The following C6orf118 variants were observed in gnomAD, a reference collection of about 807,000 sequenced individuals.
The protein encoded by C6orf118 is chromosome 6 open reading frame 118.
Under a neutral mutation model 50.2 loss-of-function variants are expected in C6orf118, and 50 were observed. The ratio of observed to expected loss-of-function variants is 1.00; its 90% CI spans 0.79 to 1.26. The LOEUF (loss-of-function observed/expected upper bound fraction) is 1.26, where lower values mean the gene tolerates loss of function less well. Among genes scored for constraint, C6orf118 ranks in the 50% most tolerant of loss-of-function variants. The pLI is 0.00. For synonymous variants in C6orf118, 239 were observed against 230.9 expected, an observed-to-expected ratio of 1.03 and a Z score of -0.32; for missense variants, 641 against 578.7, an observed-to-expected ratio of 1.11 and a Z score of -1.10.
chr6:165,307,218 C>CA (rs939300428), intron 1 of C6orf118, among the ~76,000 whole-genome samples: 1 of 144,910 alleles, frequency 6.9e-6, no homozygotes, highest in Non-Finnish European at 1.5e-5. Flanking sequence ...CCACCCCCCC[C>CA]ACCCCACCAA....
In C6orf118 at chr6:165,302,152, T is replaced by C; in HGVS notation, c.170A>G (p.Tyr57Cys). The C allele has an allele frequency of 1.2e-6, 2 of 1,614,012 alleles. No homozygotes were observed. The highest frequency in any genetic ancestry group is 1.1e-5 in the South Asian group (1 of 91,064). Residue 57 changes from tyrosine (Y) to cysteine (C), a missense_variant, in exon 2 of 9, where the codon TAC becomes TGC. By Grantham distance (194) the Tyr-to-Cys change is radical (BLOSUM62 -2). Coordinates refer to ENST00000230301, the MANE Select transcript of C6orf118 (RefSeq NM_144980.4). ...GTTCAGGTGTCCAGAGATGTAGAGGTAGACGTCCTCCCGGTGGTCTTTCTG... is the reference window on the plus strand; with the variant it reads ...GTTCAGGTGTCCAGAGATGTAGAGGCAGACGTCCTCCCGGTGGTCTTTCTG... ...RLQKDHREDV[Y>C]LYISGHLNPN...
chr6:165,285,719 T>C (rs1779881357), intron 7 of C6orf118, among the ~76,000 whole-genome samples: 1 of 152,004 alleles, frequency 6.6e-6, no homozygotes, highest in African/African-American at 2.4e-5. Flanking sequence ...ATCAAGAAGC[T>C]CTTTGAAACT....
At chr6:165,294,896 T>G (rs1002999331) in intron 5 of C6orf118, among the ~76,000 whole-genome samples, 3 of 152,122 alleles carry the variant, frequency 2.0e-5, no homozygotes, top group Admixed American at 2.0e-4. Flanking sequence ...GAAAAAAATT[T>G]AAGAAACTGG....
chr6:165,288,733 A>G (rs1314914847), intron 7 of C6orf118, among the ~76,000 whole-genome samples: 2 of 152,136 alleles, frequency 1.3e-5, no homozygotes, highest in Non-Finnish European at 2.9e-5. Context: ...GAGCTGAACA[A>G]TGAGAATGCA....
rs114623394 is a variant in C6orf118, at chr6:165,296,952, G to A, written c.1061+1025C>T. ...CACGAGGGCTTCTGCCAGTATAGTC[G>A]GGTTTCTTGTGAGAGGAATATCTGG... On this transcript the variant is annotated intron_variant, in intron 5 of 8. Coordinates refer to ENST00000230301, the MANE Select transcript of C6orf118 (RefSeq NM_144980.4). Among the ~76,000 whole-genome samples, 716 of 152,208 alleles carry A rather than the reference G, an allele frequency of 4.7e-3. 6 individuals carry two copies. The highest frequency in any genetic ancestry group is 0.016 in the African/African-American group (684 of 41,512).
chr6:165,294,270 A>AC (rs1157583238), intron 5 of C6orf118, among the ~76,000 whole-genome samples: 3,515 of 149,730 alleles, frequency 0.023, 133 homozygotes, highest in African/African-American at 0.082. Context: ...AAAAAAAACA[A>AC]AAAAAAAAAA....
At position 165,298,119 on chromosome 6, in the gene C6orf118, C is replaced by A; in HGVS notation, c.937-18G>T. Reference sequence around the variant, plus strand: ...AGAAGAGCCTAGGCAGGACCAGGTACATGAGGTGAGACAAGCACACAGGGA... The same window carrying A: ...AGAAGAGCCTAGGCAGGACCAGGTAAATGAGGTGAGACAAGCACACAGGGA... On this transcript the variant is annotated intron_variant, in intron 4 of 8. Coordinates refer to ENST00000230301, the MANE Select transcript of C6orf118 (RefSeq NM_144980.4). 6.4e-7 allele frequency: 1 copy of A among 1,561,838 alleles called. No individual in the cohort carries two copies. Among genetic ancestry groups the A allele is most frequent in the Non-Finnish European group, 8.6e-7 (1 of 1,159,914 alleles).
rs1780054154 is a variant in C6orf118, at chr6:165,290,032, G to T, written c.1156C>A (p.Leu386Ile). 2 of 1,606,260 alleles carry T rather than the reference G, an allele frequency of 1.2e-6. No homozygotes were observed. Among genetic ancestry groups the T allele is most frequent in the African/African-American group, 2.7e-5 (2 of 74,464 alleles). The part of the protein sequence containing the change: ...SEKHIIDENR[L>I]TLTEKVEKKR... The stretch of plus-strand genomic sequence containing the variant: ...TTTTCAACCTTCTCAGTAAGAGTAA[G>T]TCGGTTTTCATCAATTATATGTTTC... Residue 386 changes from leucine (L) to isoleucine (I), a missense_variant, in exon 7 of 9, where the codon CTT becomes ATT. Leu to Ile is a conservative substitution (Grantham distance 5, BLOSUM62 2). Transcript: ENST00000230301.
intron 7 of C6orf118, among the ~76,000 whole-genome samples, chr6:165,285,001 A>G (rs1039561404): frequency 1.3e-4 from 20 of 152,218 alleles, no homozygotes; most frequent in African/African-American, 4.8e-4. Flanking sequence ...AAATGCCCCA[A>G]TTAAAAGATA....
intron 4 of C6orf118, 30 bp from the exon 5 acceptor site, chr6:165,298,131 C>T: frequency 6.5e-7 from 1 of 1,542,166 alleles, no homozygotes; most frequent in Non-Finnish European, 8.7e-7. Context: ...TGAGGTGAGA[C>T]AAGCACACAG....
chr6:165,308,287 G>A lies in C6orf118; in HGVS notation c.25+1275C>T, dbSNP rs148754815. 6.6e-5 allele frequency among the ~76,000 whole-genome samples: 10 copies of A among 152,258 alleles called. No homozygotes were observed. The East Asian group carries it at 9.7e-4, about 15-fold the overall frequency. On this transcript the variant is annotated intron_variant, in intron 1 of 8. Transcript: ENST00000230301. ...ATGGTCAGGGCTCTAATCTAATCAC[G>A]TGAGCCCCTAAAAGCAGAGAAGTTT...
In C6orf118 at chr6:165,300,463, G is replaced by A. The variant is rs142987333; in HGVS notation, c.777C>T (p.Cys259=). The part of the protein sequence containing the change: ...LQQELQKICT[C]SPQQFNRLHV... ...GCAGTCTGTTGAACTGCTGGGGGCTGCACGTGCAAATTTTCTGGAGCTCCT... is the reference window on the plus strand; with the variant it reads ...GCAGTCTGTTGAACTGCTGGGGGCTACACGTGCAAATTTTCTGGAGCTCCT... Residue 259 remains cysteine, a synonymous_variant, in exon 3 of 9, where the codon TGC becomes TGT. Transcript: ENST00000230301. 16 of 1,611,896 alleles carry A rather than the reference G, an allele frequency of 9.9e-6. No individual in the cohort carries two copies. In the East Asian group the frequency reaches 3.1e-4, roughly 31 times the overall value.
rs751263940 is a variant in C6orf118 at position 165,301,663 on chromosome 6, C to T, written c.659G>A (p.Arg220His). The T allele has an allele frequency of 2.2e-5, 36 of 1,614,046 alleles. No homozygotes were observed. The highest frequency in any genetic ancestry group is 2.6e-5 in the Non-Finnish European group (31 of 1,180,034). Residue 220 changes from arginine to histidine, a missense_variant, in exon 2 of 9, where the codon CGT becomes CAT. By Grantham distance (29) the Arg-to-His change is conservative. Transcript: ENST00000230301. ...CTTGGCGAGCACTTCCTTCTGGAAA[C>T]GCAGGAACATCCTGTACCTGTCTGC... is the stretch of plus-strand genomic sequence containing the variant. ...TSADRYRMFLRFQKEVLAKQD... is the reference protein window; with the variant it reads ...TSADRYRMFLHFQKEVLAKQD...
chr6:165,307,579 A>G (rs1780789675), intron 1 of C6orf118, among the ~76,000 whole-genome samples: 1 of 151,790 alleles, frequency 6.6e-6, no homozygotes, highest in South Asian at 2.1e-4. Context: ...ATTTTTTTTA[A>G]TCACTGTCCC....
intron 6 of C6orf118, 70 bp downstream of exon 6, chr6:165,293,343 A>G (rs757033566): frequency 6.5e-6 from 9 of 1,384,034 alleles, no homozygotes; most frequent in Non-Finnish European, 9.3e-6. Flanking sequence ...AGGCAGCCAC[A>G]CTGCAGCAGC....
Position 165,281,690 on chromosome 6 carries a change from C to A in C6orf118, c.1306G>T (p.Glu436Ter). The change falls in exon 8 of 9, where the codon GAA becomes TAA. Residue 436 changes from glutamate to a stop codon, truncating the protein, a stop_gained. Transcript: ENST00000230301. LOFTEE classifies it low-confidence loss of function (END_TRUNC). Reference protein sequence around the residue: ...TENRIKSIEHEAIQLETENMI... With the variant: ...TENRIKSIEH ...TTTTCTGTTTCCAATTGTATAGCTT[C>A]ATGCTGGAAGAGAAGTTGTTTTAAA... The A allele has an allele frequency of 6.7e-7, 1 of 1,484,750 alleles. No homozygotes were observed. The highest frequency in any genetic ancestry group is 9.0e-7 in the Non-Finnish European group (1 of 1,108,890). The allele number at this position is 1,484,750 out of a possible 1,614,324, so 92.0% of individuals were successfully genotyped here.
chr6:165,301,595 C>T lies in C6orf118; in HGVS notation c.727G>A (p.Ala243Thr), dbSNP rs781300980. Residue 243 changes from alanine to threonine, a missense_variant, in exon 2 of 9, where the codon GCG becomes ACG. By Grantham distance (58) the Ala-to-Thr change is moderately conservative. Coordinates refer to ENST00000230301, the MANE Select transcript of C6orf118 (RefSeq NM_144980.4). ...KNDFTGSKAA[A>T]GHERKLQQEL... ...TGCTGCAGCTTTCTCTCGTGGCCCG[C>T]GGCCGCCTTGCTCCCAGTGAAGTCA... 2.7e-5 allele frequency: 43 copies of T among 1,613,356 alleles called. No individual in the cohort carries two copies. Among genetic ancestry groups the T allele is most frequent in the South Asian group, 7.7e-5 (7 of 91,012 alleles).
At chr6:165,282,569 T>C (rs1036246461) in intron 7 of C6orf118, among the ~76,000 whole-genome samples, 1 of 151,458 alleles carries the variant, frequency 6.6e-6, no homozygotes, top group Non-Finnish European at 1.5e-5. Flanking sequence ...TTAGGGTTGC[T>C]GCAAATTAAA....
At chr6:165,306,975 CA>C (rs1780760085) in intron 1 of C6orf118, among the ~76,000 whole-genome samples, 1 of 151,756 alleles carries the variant, frequency 6.6e-6, no homozygotes, top group Non-Finnish European at 1.5e-5. Flanking sequence ...AACAAACAAA[CA>C]AAAAAGAAAG....
Sources: allele counts gnomAD v4.1 joint callset (sites outside exome capture counted in the v4.1 genomes callset), GRCh38; gene constraint gnomAD v4.1.1; transcripts MANE v1.5; gene names NCBI Gene and HGNC (gene_info 2026-07-23, HGNC 2026-07-21).